CSMD2: variants seen among roughly 807,000 people sequenced by gnomAD.
CSMD2 encodes CUB and Sushi multiple domains 2, also known as CUB and sushi domain-containing protein 2.
A neutral mutation model predicts 398.5 loss-of-function variants in CSMD2; 130 were observed. That is an observed-to-expected ratio of 0.33 (90% CI 0.28 to 0.38). CSMD2 has a LOEUF of 0.38. CSMD2 is among the 10% of genes least tolerant of loss of function. The pLI, the probability that CSMD2 is intolerant of heterozygous loss-of-function variation, is 1.00. For missense variants in CSMD2, 3,829 were observed against 4,764.9 expected (o/e 0.80, Z 5.78); for synonymous variants, 1,828 against 1,908.5 (o/e 0.96, Z 1.10).
intron 1 of CSMD2, among the ~76,000 whole-genome samples, chr1:34,135,748 T>C (rs760432666): frequency 5.9e-5 from 9 of 151,996 alleles, no homozygotes; most frequent in African/African-American, 9.7e-5. Flanking sequence ...TAAGAGACAT[T>C]TCTAAGAGAA....
intron 1 of CSMD2, among the ~76,000 whole-genome samples, chr1:34,157,827 AATCCCACCCC>A (rs1430983497): frequency 6.6e-6 from 1 of 151,772 alleles, no homozygotes; most frequent in African/African-American, 2.4e-5. Flanking sequence ...CTGTTTCTCC[AATCCCACCCC>A]ATCATGTTCC....
chr1:33,848,021 A>G (rs943364190), intron 5 of CSMD2, among the ~76,000 whole-genome samples: 1 of 152,208 alleles, frequency 6.6e-6, no homozygotes, highest in African/African-American at 2.4e-5. Context: ...CAGGTGTCAC[A>G]GTCATGTAAG....
At chr1:33,627,828 G>C (rs1056482719) in intron 32 of CSMD2, among the ~76,000 whole-genome samples, 2 of 152,236 alleles carry the variant, frequency 1.3e-5, no homozygotes, top group Non-Finnish European at 2.9e-5. Context: ...TGTGAGCAGA[G>C]TGAAACTCAA....
chr1:33,636,565 G>T lies in CSMD2; in HGVS notation c.4775-11C>A. The T allele has an allele frequency of 6.2e-7, 1 of 1,613,106 alleles. No individual in the cohort carries two copies. On this transcript the variant is annotated splice_polypyrimidine_tract_variant and intron_variant, in intron 29 of 70. Transcript: ENST00000373381. The surrounding 1 kb of genome is among the most constrained non-coding windows in gnomAD (Gnocchi z 4.8). The stretch of plus-strand genomic sequence containing the variant: ...ACTCCCGCGGGTTTTCTGGGAAAAA[G>T]AAATACAAACACGTGCACACACACA...
intron 1 of CSMD2, among the ~76,000 whole-genome samples, chr1:34,109,660 T>C (rs2148437883): frequency 6.6e-6 from 1 of 152,170 alleles, no homozygotes; most frequent in South Asian, 2.1e-4. Flanking sequence ...TCAGCATCTG[T>C]AAGGAACTTA....
intron 25 of CSMD2, among the ~76,000 whole-genome samples, chr1:33,691,141 C>T (rs912877718): frequency 1.3e-5 from 2 of 152,138 alleles, no homozygotes; most frequent in African/African-American, 2.4e-5. Flanking sequence ...AGGCCATGTA[C>T]AGGGGTCACC....
chr1:34,005,568 G>A (rs1387053723), intron 3 of CSMD2, among the ~76,000 whole-genome samples: 1 of 152,162 alleles, frequency 6.6e-6, no homozygotes, highest in Admixed American at 6.5e-5. Context: ...TGTGGCCACA[G>A]GCCCAATATT....
intron 1 of CSMD2, among the ~76,000 whole-genome samples, chr1:34,119,707 G>A (rs1329281436): frequency 6.6e-6 from 1 of 152,132 alleles, no homozygotes; most frequent in Non-Finnish European, 1.5e-5. Context: ...TGAAATTTAA[G>A]CCACCATGAG....
chr1:33,864,931 G>A (rs1257866507), intron 5 of CSMD2: 4 of 231,852 alleles, frequency 1.7e-5, no homozygotes, highest in Non-Finnish European at 7.6e-6. Flanking sequence ...GGGAAGGGAG[G>A]AGAGGAGGGA....
rs1047164236 is a variant in CSMD2 at position 33,781,020 on chromosome 1, G to C, written c.1663+7580C>G. Among the ~76,000 whole-genome samples, 6 of 152,182 alleles carry C rather than the reference G, an allele frequency of 3.9e-5. No homozygotes were observed. The East Asian group carries it at 1.2e-3, about 29-fold the overall frequency. ...TGAGTGATGCTGGTCGGCTGCCCTT[G>C]GCCTCCTTTGAAGTCTGCTTCTAAA... On this transcript the variant is annotated intron_variant, in intron 12 of 70. Coordinates refer to ENST00000373381, the MANE Select transcript of CSMD2 (RefSeq NM_001281956.2).
chr1:33,933,506 T>G (rs995933557), intron 4 of CSMD2, among the ~76,000 whole-genome samples: 3 of 152,252 alleles, frequency 2.0e-5, no homozygotes, highest in Non-Finnish European at 2.9e-5. Flanking sequence ...GCAGTTTATA[T>G]TTCATAACTT....
chr1:33,695,223 T>G (rs507732), intron 24 of CSMD2, among the ~76,000 whole-genome samples: 151,749 of 152,238 alleles, frequency 1, 75,630 homozygotes, highest in Middle Eastern at 1. Context: ...GATAGGGAGA[T>G]GGGGGAGATG....
chr1:33,608,967 C>A (rs1640818549), intron 41 of CSMD2, among the ~76,000 whole-genome samples: 1 of 152,208 alleles, frequency 6.6e-6, no homozygotes, highest in South Asian at 2.1e-4. Flanking sequence ...TATTTGGGAC[C>A]AAGTCCCTCC....
intron 15 of CSMD2, among the ~76,000 whole-genome samples, chr1:33,727,836 C>A (rs771315452): frequency 6.6e-6 from 1 of 152,110 alleles, no homozygotes; most frequent in South Asian, 2.1e-4. Context: ...GCCTAGCCCA[C>A]CCAGACTAGC....
At chr1:33,556,451 G>T (rs578182990) in intron 55 of CSMD2, among the ~76,000 whole-genome samples, 1 of 152,326 alleles carries the variant, frequency 6.6e-6, no homozygotes, top group Admixed American at 6.5e-5. Flanking sequence ...GCCAAAGGTA[G>T]GTGGACTGCT....
chr1:34,078,654 G>A (rs1656703964), intron 2 of CSMD2, among the ~76,000 whole-genome samples: 1 of 152,124 alleles, frequency 6.6e-6, no homozygotes, highest in Non-Finnish European at 1.5e-5. Flanking sequence ...GTAGAGCCTA[G>A]CTAGGTATAA....
chr1:33,569,285 C>T (rs1659355246), intron 52 of CSMD2, 89 bp downstream of exon 52: 5 of 1,333,294 alleles, frequency 3.8e-6, no homozygotes, highest in Non-Finnish European at 5.1e-6. Context: ...TGAAATGATA[C>T]TGTTTAAAGA....
intron 22 of CSMD2, 126 bp downstream of exon 22, chr1:33,708,963 G>T: frequency 1.3e-6 from 1 of 776,770 alleles, no homozygotes; most frequent in Non-Finnish European, 2.0e-6. Flanking sequence ...AGATGAGTGA[G>T]GACAGTATTT....
At chr1:34,162,619 G>A (rs994414621) in intron 1 of CSMD2, among the ~76,000 whole-genome samples, 5 of 152,108 alleles carry the variant, frequency 3.3e-5, no homozygotes, top group African/African-American at 7.2e-5. Flanking sequence ...AGCACTTTGG[G>A]AGGCAGAGGC....
Sources: allele counts gnomAD v4.1 joint callset (sites outside exome capture counted in the v4.1 genomes callset), GRCh38; gene constraint gnomAD v4.1.1; non-coding constraint Gnocchi (gnomAD v3.1); transcripts MANE v1.5; gene names NCBI Gene and HGNC (gene_info 2026-07-23, HGNC 2026-07-21).